The following BRINP3 variants were observed in gnomAD, a reference collection of about 807,000 sequenced individuals.
BRINP3 encodes BMP/retinoic acid-inducible neural-specific protein 3.
Under a neutral mutation model 71.0 loss-of-function variants are expected in BRINP3, and 19 were observed. That is an observed-to-expected ratio of 0.27 (90% confidence interval 0.19 to 0.39). BRINP3 has a LOEUF of 0.39. BRINP3 is among the 10% of genes least tolerant of loss of function. The probability of loss-of-function intolerance (pLI) is 1.00; values close to 1 mark genes in which losing one functional copy is unlikely to be tolerated. For missense variants in BRINP3, 959 were observed against 940.8 expected, an observed-to-expected ratio of 1.02 and a Z score of -0.25; for synonymous variants, 380 against 337.7, an observed-to-expected ratio of 1.13 and a Z score of -1.37.
At chr1:190,297,106 A>T (rs547487428) in intron 2 of BRINP3, among the ~76,000 whole-genome samples, 68 of 152,098 alleles carry the variant, frequency 4.5e-4, no homozygotes, top group African/African-American at 1.5e-3. Context: ...AAACAATATT[A>T]AAAAAACCCC....
At chr1:190,205,095 G>A (rs1173245412) in intron 6 of BRINP3, among the ~76,000 whole-genome samples, 1 of 152,006 alleles carries the variant, frequency 6.6e-6, no homozygotes, top group Non-Finnish European at 1.5e-5. Context: ...TGCCACACAT[G>A]GAAATATTCC....
At chr1:190,160,148 C>T (rs928119830) in intron 7 of BRINP3, among the ~76,000 whole-genome samples, 6 of 152,002 alleles carry the variant, frequency 3.9e-5, no homozygotes, top group African/African-American at 4.8e-5. Context: ...TCAGTTCAGA[C>T]ACAAATAATT....
intron 6 of BRINP3, among the ~76,000 whole-genome samples, chr1:190,187,934 A>G (rs1653683488): frequency 6.6e-6 from 1 of 151,660 alleles, no homozygotes; most frequent in Non-Finnish European, 1.5e-5. Context: ...TGATATTTTG[A>G]TAAGAATTGG....
chr1:190,267,545 G>C (rs1194776178), intron 3 of BRINP3, among the ~76,000 whole-genome samples: 1 of 151,602 alleles, frequency 6.6e-6, no homozygotes, highest in Non-Finnish European at 1.5e-5. Flanking sequence ...TGATAAAAAA[G>C]CTTATATCCA....
At chr1:190,429,268 A>G (rs1673929845) in intron 2 of BRINP3, among the ~76,000 whole-genome samples, 1 of 152,158 alleles carries the variant, frequency 6.6e-6, no homozygotes, top group Non-Finnish European at 1.5e-5. Flanking sequence ...AAAGATACTC[A>G]TTTCAGCATA....
At chr1:190,458,197 A>C (rs1676139117) in intron 1 of BRINP3, among the ~76,000 whole-genome samples, 1 of 151,882 alleles carries the variant, frequency 6.6e-6, no homozygotes, top group African/African-American at 2.4e-5. Context: ...TACAGAAATA[A>C]TTTTTTTCTG....
At chr1:190,277,758 A>G (rs1347195123) in intron 3 of BRINP3, among the ~76,000 whole-genome samples, 2 of 151,746 alleles carry the variant, frequency 1.3e-5, no homozygotes, top group Non-Finnish European at 2.9e-5. Context: ...AATATATTCC[A>G]TAGCTAGAAA....
intron 2 of BRINP3, among the ~76,000 whole-genome samples, chr1:190,411,380 A>T (rs1672654533): frequency 6.6e-6 from 1 of 152,206 alleles, no homozygotes; most frequent in Non-Finnish European, 1.5e-5. Context: ...CCTTAGGATC[A>T]TGAAACATTT....
At chr1:190,349,124 G>A (rs546020897) in intron 2 of BRINP3, among the ~76,000 whole-genome samples, 7 of 152,004 alleles carry the variant, frequency 4.6e-5, no homozygotes, top group Non-Finnish European at 7.4e-5. Flanking sequence ...GTTCTACTAA[G>A]CTCGGGTATA....
chr1:190,447,398 G>T (rs1268726945), intron 2 of BRINP3, among the ~76,000 whole-genome samples: 2 of 146,280 alleles, frequency 1.4e-5, no homozygotes, highest in Non-Finnish European at 3.0e-5. Context: ...CTAGAAATAA[G>T]ATGTATTAAT....
intron 6 of BRINP3, among the ~76,000 whole-genome samples, chr1:190,166,906 G>A (rs1651596804): frequency 1.3e-5 from 2 of 151,888 alleles, no homozygotes; most frequent in African/African-American, 4.8e-5. Context: ...TATATTTTTA[G>A]TAGAGACGGG....
intron 1 of BRINP3, among the ~76,000 whole-genome samples, chr1:190,464,358 TA>T (rs1287871918): frequency 1.3e-5 from 2 of 152,008 alleles, no homozygotes; most frequent in Non-Finnish European, 2.9e-5. Flanking sequence ...AAGTAGGTCA[TA>T]AATTATTAAA....
At chr1:190,378,845 C>A (rs1212914928) in intron 2 of BRINP3, among the ~76,000 whole-genome samples, 1 of 152,138 alleles carries the variant, frequency 6.6e-6, no homozygotes, top group Admixed American at 6.6e-5. Context: ...AGTTGTGACA[C>A]TAATTGAGTG....
intron 2 of BRINP3, among the ~76,000 whole-genome samples, chr1:190,340,902 C>T (rs916627020): frequency 2.0e-5 from 3 of 148,476 alleles, no homozygotes; most frequent in African/African-American, 7.5e-5. Context: ...TTGTCTGATA[C>T]TCATTCTTTT....
At chr1:190,333,703 T>TTACC (rs955449424) in intron 2 of BRINP3, among the ~76,000 whole-genome samples, 1 of 151,942 alleles carries the variant, frequency 6.6e-6, no homozygotes, top group African/African-American at 2.4e-5. Context: ...AGTGTAGAAA[T>TTACC]TACCTTAACA....
At chr1:190,382,547 C>T (rs12724000) in intron 2 of BRINP3, among the ~76,000 whole-genome samples, 27,179 of 152,012 alleles carry the variant, frequency 0.18, 2,438 homozygotes, top group Middle Eastern at 0.22. Context: ...AAAACGGACA[C>T]TCATTCCTTA....
chr1:190,401,127 G>T (rs1671891551), intron 2 of BRINP3, among the ~76,000 whole-genome samples: 1 of 152,042 alleles, frequency 6.6e-6, no homozygotes, highest in Non-Finnish European at 1.5e-5. Context: ...GGGTGCCGAG[G>T]CAGGCAAATC....
intron 2 of BRINP3, among the ~76,000 whole-genome samples, chr1:190,445,642 T>C (rs1675167176): frequency 6.6e-6 from 1 of 151,628 alleles, no homozygotes. Flanking sequence ...TAAAACCCAG[T>C]TTTTTTCCTC....
intron 2 of BRINP3, among the ~76,000 whole-genome samples, chr1:190,387,561 T>C (rs1376056862): frequency 2.0e-5 from 3 of 151,840 alleles, no homozygotes; most frequent in Admixed American, 6.6e-5. Context: ...AGGTCTGTAG[T>C]TGGAGCTGTA....
Sources: allele counts gnomAD v4.1 joint callset (sites outside exome capture counted in the v4.1 genomes callset), GRCh38; gene constraint gnomAD v4.1.1; transcripts MANE v1.5; gene names NCBI Gene and HGNC (gene_info 2026-07-23, HGNC 2026-07-21).